MED6: variants seen among roughly 807,000 people sequenced by gnomAD.
The protein encoded by MED6 is mediator of RNA polymerase II transcription subunit 6.
MED6 carries 33 observed loss-of-function variants against 37.5 expected under a neutral mutation model. That is an observed-to-expected ratio of 0.88 (90% CI 0.67 to 1.18). MED6 has a LOEUF of 1.18. Among genes scored for constraint, MED6 ranks in the 50% most tolerant of loss-of-function variants. The pLI is 0.00. For synonymous variants in MED6, 94 were observed against 93.6 expected, an observed-to-expected ratio of 1.00 and a Z score of -0.02; for missense variants, 235 against 290.6, an observed-to-expected ratio of 0.81 and a Z score of 1.39.
In MED6 at chr14:70,592,869, G is replaced by A. The variant is rs1197092639; in HGVS notation, c.466+11C>T. On this transcript the variant is annotated intron_variant, in intron 5 of 7. Transcript: ENST00000256379. Reference sequence around the variant, plus strand: ...AAAAGTGTTTTAGGAGGGTATGGATGTTCTACTTACCTTGCTCTTCATGAT... The same window carrying A: ...AAAAGTGTTTTAGGAGGGTATGGATATTCTACTTACCTTGCTCTTCATGAT... 7.4e-6 allele frequency: 12 copies of A among 1,613,164 alleles called. No homozygotes were observed. Among genetic ancestry groups the A allele is most frequent in the Non-Finnish European group, 9.3e-6 (11 of 1,179,558 alleles).
At chr14:70,586,237 G>A (rs1884703118) in intron 6 of MED6, among the ~76,000 whole-genome samples, 1 of 152,150 alleles carries the variant, frequency 6.6e-6, no homozygotes, top group Admixed American at 6.5e-5. Flanking sequence ...GTAGGCATGG[G>A]AAATTTGGAG....
intron 3 of MED6, chr14:70,594,881 T>C: frequency 1.5e-6 from 1 of 651,580 alleles, no homozygotes; most frequent in South Asian, 1.4e-5. Context: ...AACCAGAGGC[T>C]AGAGAGCAAA....
rs116064671 is a variant in MED6, at chr14:70,590,706, G to A, written c.582+560C>T. 5.5e-3 allele frequency among the ~76,000 whole-genome samples: 840 copies of A among 152,170 alleles called. 5 individuals are homozygous for A. The highest frequency in any genetic ancestry group is 0.018 in the African/African-American group (751 of 41,522). Reference sequence around the variant, plus strand: ...CAAAAGCTCATTTAGTAGAATGGCAGGTGGATTTGCTATTGCTGTTAGAAA... The same window carrying A: ...CAAAAGCTCATTTAGTAGAATGGCAAGTGGATTTGCTATTGCTGTTAGAAA... On this transcript the variant is annotated intron_variant, in intron 6 of 7. Coordinates refer to ENST00000256379, the MANE Select transcript of MED6 (RefSeq NM_005466.4).
chr14:70,587,349 C>T (rs1884740145), intron 6 of MED6, among the ~76,000 whole-genome samples: 1 of 152,160 alleles, frequency 6.6e-6, no homozygotes, highest in Non-Finnish European at 1.5e-5. Flanking sequence ...TCCTCTGAGT[C>T]CTGCTAGCAA....
chr14:70,598,290 T>C (rs1885103688), intron 1 of MED6, among the ~76,000 whole-genome samples: 1 of 151,618 alleles, frequency 6.6e-6, no homozygotes, highest in Non-Finnish European at 1.5e-5. Context: ...AGAGTGAAAC[T>C]CCGTCTCAAA....
At chr14:70,590,737 C>A (rs1449785159) in intron 6 of MED6, among the ~76,000 whole-genome samples, 7 of 152,218 alleles carry the variant, frequency 4.6e-5, no homozygotes, top group Non-Finnish European at 8.8e-5. Context: ...AGAAATCTCC[C>A]TGCCCCTCCA....
At position 70,584,362 on chromosome 14, in the gene MED6, A is replaced by C; in HGVS notation, c.*451T>G. On this transcript the variant is annotated 3_prime_UTR_variant, in exon 8 of 8. Transcript: ENST00000256379. ...ATATAACAAATATTCACAAGAAATC[A>C]TGATGGGAATAATATCTTTTCTTCT... The C allele has an allele frequency of 2.1e-6, 1 of 479,452 alleles. No homozygotes were observed. The highest frequency in any genetic ancestry group is 3.7e-6 in the Non-Finnish European group (1 of 270,160). 29.7% of individuals were successfully genotyped at this position (479,452 alleles called of 1,614,324 possible).
At chr14:70,584,997 A>G in intron 7 of MED6, 54 bp from the exon 8 acceptor site, 1 of 1,562,130 alleles carries the variant, frequency 6.4e-7, no homozygotes, top group Admixed American at 1.8e-5. Context: ...GGGGAATGAG[A>G]TAAATGGTTA....
At chr14:70,585,551 G>A (rs1884679553) in intron 7 of MED6, among the ~76,000 whole-genome samples, 2 of 137,724 alleles carry the variant, frequency 1.5e-5, no homozygotes, top group South Asian at 2.2e-4. Flanking sequence ...AAAACATTAT[G>A]AGACTTTTTT....
Position 70,585,798 on chromosome 14 carries a change from A to G in MED6, c.583-15T>C, listed in dbSNP as rs200756362. The G allele has an allele frequency of 1.0e-4, 166 of 1,602,972 alleles. No individual in the cohort carries two copies. The African/African-American group carries it at 1.6e-3, about 16-fold the overall frequency. ...CCAGGCTTTAGCTATAATTTTTTAG[A>G]AAAAAGGGAGGGAGAGGAAGAGGAA... On this transcript the variant is annotated splice_polypyrimidine_tract_variant and intron_variant, in intron 6 of 7. Coordinates refer to ENST00000256379, the MANE Select transcript of MED6 (RefSeq NM_005466.4).
chr14:70,600,624 T>A lies in MED6; in HGVS notation c.14A>T (p.Asp5Val), dbSNP rs200118772. ...ATAGCAATACAGTATACCTCGGATATCCACCGCCGCCATAATTCCGAGAGC... is the reference window on the plus strand; with the variant it reads ...ATAGCAATACAGTATACCTCGGATAACCACCGCCGCCATAATTCCGAGAGC... MAAVDIRDNLLGISW... is the reference protein window; with the variant it reads MAAVVIRDNLLGISW... Residue 5 changes from aspartate (D) to valine (V), a missense_variant, in exon 1 of 8, where the codon GAT becomes GTT. By Grantham distance (152) the Asp-to-Val change is radical. Transcript: ENST00000256379. 2.5e-6 allele frequency: 4 copies of A among 1,612,720 alleles called. No individual in the cohort carries two copies. In the African/African-American group the frequency reaches 4.0e-5, roughly 16 times the overall value.
chr14:70,599,279 G>C (rs1310052619), intron 1 of MED6, among the ~76,000 whole-genome samples: 2 of 152,092 alleles, frequency 1.3e-5, no homozygotes, highest in African/African-American at 4.8e-5. Flanking sequence ...TAAAGGAGGA[G>C]ACAGATGAAG....
At chr14:70,598,575 T>C (rs1255846806) in intron 1 of MED6, among the ~76,000 whole-genome samples, 8 of 152,112 alleles carry the variant, frequency 5.3e-5, no homozygotes, top group Non-Finnish European at 1.0e-4. Flanking sequence ...TAGCACGGTA[T>C]GTTAAAGAAT....
intron 3 of MED6, among the ~76,000 whole-genome samples, chr14:70,593,739 G>C (rs988593932): frequency 2.6e-5 from 4 of 152,182 alleles, no homozygotes; most frequent in Non-Finnish European, 5.9e-5. Flanking sequence ...ATTCAGTAGG[G>C]ATAGTGCATT....
At chr14:70,590,587 A>G (rs1189476728) in intron 6 of MED6, among the ~76,000 whole-genome samples, 1 of 152,226 alleles carries the variant, frequency 6.6e-6, no homozygotes. Flanking sequence ...AACAGGGTAT[A>G]TGATCTTGTA....
Position 70,592,324 on chromosome 14 carries a change from A to T in MED6, c.466+556T>A, listed in dbSNP as rs141250762. Among the ~76,000 whole-genome samples the T allele has an allele frequency of 2.6e-3, 390 of 152,288 alleles. 1 individual carries two copies. Among genetic ancestry groups the T allele is most frequent in the African/African-American group, 9.0e-3 (375 of 41,556 alleles). On this transcript the variant is annotated intron_variant, in intron 5 of 7. Coordinates refer to ENST00000256379, the MANE Select transcript of MED6 (RefSeq NM_005466.4). ...GCAAAGATCAGAAAACAGACTGGCC[A>T]TCTGGGGATAGGGCTCTAAAAAGCA...
At chr14:70,584,980 T>C (rs887276862) in intron 7 of MED6, 37 bp from the exon 8 acceptor site, 4 of 1,602,800 alleles carry the variant, frequency 2.5e-6, no homozygotes, top group Admixed American at 1.7e-5. Flanking sequence ...GAGGGAGATA[T>C]GGGTGGGGGG....
At chr14:70,587,672 T>A (rs949531709) in intron 6 of MED6, among the ~76,000 whole-genome samples, 1 of 152,234 alleles carries the variant, frequency 6.6e-6, no homozygotes, top group Non-Finnish European at 1.5e-5. Context: ...CCTGCTAGAC[T>A]AGTAGAACAC....
intron 6 of MED6, among the ~76,000 whole-genome samples, chr14:70,590,516 G>A (rs1207801741): frequency 2.0e-5 from 3 of 152,192 alleles, no homozygotes; most frequent in African/African-American, 7.2e-5. Context: ...GTCATCTCAT[G>A]TGAAAAATGT....
Sources: gnomAD v4.1 joint callset for allele counts (sites outside exome capture counted in the v4.1 genomes callset) on GRCh38, gnomAD v4.1.1 for gene constraint, MANE v1.5 for transcripts, NCBI Gene and HGNC (gene_info 2026-07-23, HGNC 2026-07-21) for gene names.